TBC1D2: variants seen among roughly 807,000 people sequenced by gnomAD.
The protein encoded by TBC1D2 is TBC1 domain family member 2, also known as TBC1 domain family member 2A.
A neutral mutation model predicts 91.1 loss-of-function variants in TBC1D2; 58 were observed. The observed-to-expected ratio is 0.64, with a 90% confidence interval of 0.52 to 0.79. TBC1D2 has a LOEUF of 0.79. TBC1D2 is among the 30% of genes least tolerant of loss of function. The probability of loss-of-function intolerance (pLI) is 0.00; values close to 1 mark genes in which losing one functional copy is unlikely to be tolerated. For missense variants in TBC1D2, 1,080 were observed against 1,208.3 expected, an observed-to-expected ratio of 0.89 and a Z score of 1.57; for synonymous variants, 482 against 511.5, an observed-to-expected ratio of 0.94 and a Z score of 0.78.
chr9:98,255,361 TG>T lies in TBC1D2; in HGVS notation c.180del (p.Ile61SerfsTer62), dbSNP rs756487547. 6.2e-7 allele frequency: 1 copy of T among 1,614,260 alleles called. No individual in the cohort carries two copies. Among genetic ancestry groups the T allele is most frequent in the South Asian group, 1.1e-5 (1 of 91,090 alleles). ...AACCAGCGGGATTTCCAGCCCCGGA[TG>T]GGCCCTTTGCCGCCGAACTTACTTA... The part of the protein sequence containing the change: ...GYLSKFGGKG[P>X]IRGWKSRWFF... On this transcript the variant is annotated frameshift_variant, in exon 1 of 13. Transcript: ENST00000465784. LOFTEE classifies it high-confidence loss of function.
Position 98,228,941 on chromosome 9 carries a change from C to A in TBC1D2, c.978+11G>T, listed in dbSNP as rs781331172. ...ACTGGAACCTGGGGCCTCCCTGGGACCAGACCTCACCTTCTGAGACTTTAA... is the reference window on the plus strand; with the variant it reads ...ACTGGAACCTGGGGCCTCCCTGGGAACAGACCTCACCTTCTGAGACTTTAA... On this transcript the variant is annotated intron_variant, in intron 5 of 12. Coordinates refer to ENST00000465784, the MANE Select transcript of TBC1D2 (RefSeq NM_001267571.2). The surrounding 1 kb of genome is among the most constrained non-coding windows in gnomAD (Gnocchi z 4.0). The A allele has an allele frequency of 4.3e-6, 7 of 1,612,156 alleles. No individual in the cohort carries two copies. In the East Asian group the frequency reaches 1.6e-4, roughly 36 times the overall value.
rs142877872 is a variant in TBC1D2, at chr9:98,213,166, T to C, written c.1427A>G (p.His476Arg). Residue 476 changes from histidine to arginine, a missense_variant, in exon 7 of 13, where the codon CAC becomes CGC. Physicochemically the swap from His to Arg is conservative, Grantham distance 29 (BLOSUM62 0). Transcript: ENST00000465784. ...TQNCFLNSEI[H>R]QVTKIWRKVA... ...CTTTCTCCAGATCTTTGTGACCTGG[T>C]GGATCTCGGAGTTGAGGAAGCAGTT... The C allele has an allele frequency of 6.2e-7, 1 of 1,614,142 alleles. No homozygotes were observed. Among genetic ancestry groups the C allele is most frequent in the Non-Finnish European group, 8.5e-7 (1 of 1,180,032 alleles).
At chr9:98,216,532 G>A (rs536352573) in intron 6 of TBC1D2, among the ~76,000 whole-genome samples, 1 of 152,118 alleles carries the variant, frequency 6.6e-6, no homozygotes, top group Non-Finnish European at 1.5e-5. Context: ...AGAGAGCCAG[G>A]ATCCAAACCC....
At chr9:98,208,564 G>T in intron 9 of TBC1D2, 104 bp downstream of exon 9, 3 of 1,109,418 alleles carry the variant, frequency 2.7e-6, no homozygotes, top group Non-Finnish European at 2.5e-6. Context: ...CTGCTGTGCG[G>T]CCCCTTAACA....
chr9:98,230,603 A>C (rs1260187058), intron 4 of TBC1D2, among the ~76,000 whole-genome samples: 1 of 152,184 alleles, frequency 6.6e-6, no homozygotes, highest in African/African-American at 2.4e-5. Flanking sequence ...GAGTTACTCC[A>C]GTAGGTGACA....
At chr9:98,232,342 G>GTTTTTCTTTTTTTTTTTTTTTTTTT (rs1829390825) in intron 4 of TBC1D2, among the ~76,000 whole-genome samples, 1 of 86,774 alleles carries the variant, frequency 1.2e-5, no homozygotes, top group African/African-American at 4.6e-5. Context: ...CTCTTTTTCT[G>GTTTTTCTTTTTTTTTTTTTTTTTTT]TTTTTTTTTT....
intron 6 of TBC1D2, among the ~76,000 whole-genome samples, chr9:98,220,039 TGTG>T: frequency 6.6e-6 from 1 of 152,046 alleles, no homozygotes; most frequent in Non-Finnish European, 1.5e-5. Context: ...CACTGGTCCC[TGTG>T]GGGTGGGGAA....
At chr9:98,201,870 T>C (rs745684402) in intron 10 of TBC1D2, among the ~76,000 whole-genome samples, 21 of 152,150 alleles carry the variant, frequency 1.4e-4, no homozygotes, top group Non-Finnish European at 2.1e-4. Context: ...CTGCTCCTAA[T>C]ATAGGCCAGA....
Position 98,209,056 on chromosome 9 carries a change from G to C in TBC1D2, c.1762C>G (p.Arg588Gly). The change falls in exon 9 of 13, where the codon CGA (arginine) becomes GGA (glycine). Residue 588 changes from arginine (R) to glycine (G), a missense_variant. Transcript: ENST00000465784. ...LLAKIQALES[R>G]SHHLLGLEAV... ...TCGAGGCCCAGCAGGTGGTGGGATC[G>C]TGACTCCAATGCCTGGATCTTGGCC... is the stretch of plus-strand genomic sequence containing the variant. The C allele has an allele frequency of 6.2e-7, 1 of 1,614,138 alleles. No homozygotes were observed. Among genetic ancestry groups the C allele is most frequent in the Non-Finnish European group, 8.5e-7 (1 of 1,180,028 alleles).
chr9:98,209,686 C>A (rs1245618889), intron 8 of TBC1D2, among the ~76,000 whole-genome samples: 1 of 152,018 alleles, frequency 6.6e-6, no homozygotes, highest in African/African-American at 2.4e-5. Context: ...AATGATCCTG[C>A]AAAGCAGGTG....
Position 98,233,485 on chromosome 9 carries a change from C to T in TBC1D2, c.712G>A (p.Glu238Lys), listed in dbSNP as rs1829423586. 2 of 1,614,056 alleles carry T rather than the reference C, an allele frequency of 1.2e-6. No homozygotes were observed. The highest frequency in any genetic ancestry group is 1.7e-5 in the Admixed American group (1 of 60,004). ...GGCTCCCCACTCTGTGGAGAATCTTCCCCTGGAGGTTCATGGCCTGTTCCC... is the reference window on the plus strand; with the variant it reads ...GGCTCCCCACTCTGTGGAGAATCTTTCCCTGGAGGTTCATGGCCTGTTCCC... ...AQGTGHEPPGEDSPQSGEPQR... is the reference protein window; with the variant it reads ...AQGTGHEPPGKDSPQSGEPQR... Residue 238 changes from glutamate to lysine, a missense_variant, in exon 4 of 13, where the codon GAA (glutamate) becomes AAA (lysine). Coordinates refer to ENST00000465784, the MANE Select transcript of TBC1D2 (RefSeq NM_001267571.2).
intron 6 of TBC1D2, among the ~76,000 whole-genome samples, chr9:98,218,025 A>AT (rs1829010130): frequency 6.6e-6 from 1 of 151,592 alleles, no homozygotes; most frequent in Non-Finnish European, 1.5e-5. Context: ...TAATTTTTTA[A>AT]TTTTTTGTAG....
chr9:98,251,741 C>T (rs1759162492), intron 2 of TBC1D2, 44 bp downstream of exon 2: 2 of 1,523,870 alleles, frequency 1.3e-6, no homozygotes, highest in African/African-American at 1.4e-5. Flanking sequence ...GGCTTAATCA[C>T]CAGAGCCCTG....
At position 98,199,487 on chromosome 9, in the gene TBC1D2, C is replaced by T. The variant is rs61748711; in HGVS notation, c.2681G>A (p.Arg894Gln). 4,137 of 1,614,102 alleles carry T rather than the reference C, an allele frequency of 2.6e-3. 94 individuals are homozygous for T. The African/African-American group carries it at 0.045, about 18-fold the overall frequency. Reference sequence around the variant, plus strand: ...CTCTGCCTTAAGCTGCTCCAGCTCCCGCAGCTCAGCCTCCAGCCGCTCCCG... The same window carrying T: ...CTCTGCCTTAAGCTGCTCCAGCTCCTGCAGCTCAGCCTCCAGCCGCTCCCG... ...VHRERLEAEL[R>Q]ELEQLKAEYL... is the part of the protein sequence containing the mutation. The change falls in exon 13 of 13, where the codon CGG becomes CAG. Residue 894 changes from arginine (R) to glutamine (Q), a missense_variant. Physicochemically the swap from Arg to Gln is conservative, Grantham distance 43. Transcript: ENST00000465784.
intron 2 of TBC1D2, among the ~76,000 whole-genome samples, chr9:98,245,772 T>A (rs1829752134): frequency 6.6e-6 from 1 of 152,178 alleles, no homozygotes; most frequent in Admixed American, 6.5e-5. Context: ...AGAATATGTA[T>A]TTATCAAAAA....
chr9:98,210,993 T>C (rs1828823291), intron 7 of TBC1D2, 150 bp from the exon 8 acceptor site: 4 of 775,298 alleles, frequency 5.2e-6, no homozygotes, highest in Admixed American at 3.0e-5. Context: ...GGAAAGGAGA[T>C]GGGCCCTGAG....
At chr9:98,218,475 G>A (rs1829021403) in intron 6 of TBC1D2, among the ~76,000 whole-genome samples, 2 of 152,252 alleles carry the variant, frequency 1.3e-5, no homozygotes, top group East Asian at 1.9e-4. Context: ...GCTGAGGCAG[G>A]AGAATGGCGT....
chr9:98,213,136 GC>G lies in TBC1D2; in HGVS notation c.1456del (p.Ala486LeufsTer8). On this transcript the variant is annotated frameshift_variant, in exon 7 of 13. Coordinates refer to ENST00000465784, the MANE Select transcript of TBC1D2 (RefSeq NM_001267571.2). LOFTEE classifies it high-confidence loss of function. ...HQVTKIWRKV[A>X]EKEKALLTKC... ...CGTCAGAAGGGCCTTCTCCTTCTCA[GC>G]CACCTTTCTCCAGATCTTTGTGACC... The G allele has an allele frequency of 6.2e-7, 1 of 1,614,134 alleles. No homozygotes were observed.
intron 7 of TBC1D2, 90 bp from the exon 8 acceptor site, chr9:98,210,933 C>A: frequency 8.4e-7 from 1 of 1,188,688 alleles, no homozygotes; most frequent in Non-Finnish European, 1.2e-6. Context: ...GCAGCACAGC[C>A]CTTCCAGCTC....
Sources: gnomAD v4.1 joint callset for allele counts (sites outside exome capture counted in the v4.1 genomes callset) on GRCh38, gnomAD v4.1.1 for gene constraint, Gnocchi (gnomAD v3.1) non-coding constraint, MANE v1.5 for transcripts, NCBI Gene and HGNC (gene_info 2026-07-23, HGNC 2026-07-21) for gene names.